Variants in PAIP1 observed in about 807,000 individuals in gnomAD.
The protein encoded by PAIP1 is poly(A) binding protein interacting protein 1.
In PAIP1, 16 loss-of-function variants were observed where a neutral mutation model predicts 61.3. The observed-to-expected ratio is 0.26, with a 90% CI of 0.18 to 0.40. PAIP1 has a LOEUF of 0.40. Among genes scored for constraint, PAIP1 ranks in the 10% least tolerant of loss-of-function variants. The pLI is 1.00. For synonymous variants in PAIP1, 187 were observed against 226.2 expected (o/e 0.83, Z 1.56); for missense variants, 416 against 600.9 (o/e 0.69, Z 3.22).
intron 8 of PAIP1, among the ~76,000 whole-genome samples, chr5:43,534,345 A>T (rs1246206840): frequency 1.3e-5 from 2 of 152,068 alleles, no homozygotes; most frequent in Non-Finnish European, 2.9e-5. Context: ...GATTACAGGC[A>T]AGTACTGCCA....
chr5:43,528,802 G>T (rs1351998381), intron 10 of PAIP1, among the ~76,000 whole-genome samples: 5 of 151,818 alleles, frequency 3.3e-5, no homozygotes, highest in African/African-American at 1.2e-4. Flanking sequence ...AGGAAGAAAA[G>T]AAACTAAGTA....
At position 43,533,747 on chromosome 5, in the gene PAIP1, C is replaced by G; in HGVS notation, c.1243G>C (p.Ala415Pro). ...CTGTGAGACAACATACCTGGATCAG[C>G]TGCAGTGAAAGGAACACCATCAGAT... is the stretch of plus-strand genomic sequence containing the variant. ...YTSDGVPFTAADPDYQEKYQE... is the reference protein window; with the variant it reads ...YTSDGVPFTAPDPDYQEKYQE... The change falls in exon 9 of 11, where the codon GCT (alanine) becomes CCT (proline). Residue 415 changes from alanine to proline, a missense_variant. Coordinates refer to ENST00000306846, the MANE Select transcript of PAIP1 (RefSeq NM_006451.5). 6.3e-7 allele frequency: 1 copy of G among 1,589,412 alleles called. No individual in the cohort carries two copies. Among genetic ancestry groups the G allele is most frequent in the Middle Eastern group, 1.7e-4 (1 of 6,012 alleles).
At position 43,526,950 on chromosome 5, in the gene PAIP1, CTAAA is replaced by C. The variant is rs1746733935; in HGVS notation, c.*422_*425del. Reference sequence around the variant, plus strand: ...ATTTGAAATTCAATTCATTGGGACACTAAATGTCAAACTAAAATGAAAGCTATAA... The same window carrying C: ...ATTTGAAATTCAATTCATTGGGACACTGTCAAACTAAAATGAAAGCTATAA... On this transcript the variant is annotated 3_prime_UTR_variant, in exon 11 of 11. Transcript: ENST00000306846. 1 of 151,782 alleles carries C rather than the reference CTAAA, an allele frequency of 6.6e-6. No homozygotes were observed. Among genetic ancestry groups the C allele is most frequent in the Non-Finnish European group, 1.5e-5 (1 of 67,816 alleles). The allele number at this position is 151,782 out of a possible 1,614,324, so 9.4% of individuals were successfully genotyped here. A position where few individuals can be genotyped will look rare whatever the true frequency, so the allele number is the denominator to read the frequency against.
intron 7 of PAIP1, 98 bp from the exon 8 acceptor site, chr5:43,535,068 C>T: frequency 1.4e-6 from 1 of 708,080 alleles, no homozygotes; most frequent in Non-Finnish European, 2.5e-6. Context: ...CTTAATTTAA[C>T]AGGTACATCT....
At chr5:43,555,654 A>C (rs13165009) in intron 2 of PAIP1, among the ~76,000 whole-genome samples, 176 bp downstream of exon 2, 1 of 152,262 alleles carries the variant, frequency 6.6e-6, no homozygotes, top group African/African-American at 2.4e-5. Flanking sequence ...TATAACTACA[A>C]AATGTATTTC....
Position 43,556,769 on chromosome 5 carries a change from A to G in PAIP1, c.78T>C (p.Pro26=). The stretch of plus-strand genomic sequence containing the variant: ...CTCCGTTCGGGAAACCGCCGCCCTC[A>G]GGCCCGCCCCCTCCGCGGCCCAGGC... ...SRGLGRGGGG[P]EGGGFPNGAG... The change falls in exon 1 of 11, where the codon CCT becomes CCC. Residue 26 remains proline (P), a synonymous_variant. Transcript: ENST00000306846. 2 of 1,425,214 alleles carry G rather than the reference A, an allele frequency of 1.4e-6. No homozygotes were observed. The highest frequency in any genetic ancestry group is 1.8e-6 in the Non-Finnish European group (2 of 1,093,154). 88.3% of individuals were successfully genotyped at this position (1,425,214 alleles called of 1,614,324 possible).
chr5:43,556,849 TCCTCCTCCTCCG>T lies in PAIP1; in HGVS notation c.-15_-4del, dbSNP rs1222198217. Reference sequence around the variant, plus strand: ...GCCCGATCGAAACCGTCCGACATGCTCCTCCTCCTCCGCCTCCTCCTCCAGGGGCCGCTGCCG... The same window carrying T: ...GCCCGATCGAAACCGTCCGACATGCTCCTCCTCCTCCAGGGGCCGCTGCCG... On this transcript the variant is annotated 5_prime_UTR_variant, in exon 1 of 11. Coordinates refer to ENST00000306846, the MANE Select transcript of PAIP1 (RefSeq NM_006451.5). 5.7e-5 allele frequency: 81 copies of T among 1,422,596 alleles called. No individual in the cohort carries two copies. The highest frequency in any genetic ancestry group is 1.4e-4 in the African/African-American group (9 of 66,430). 88.1% of individuals were successfully genotyped at this position (1,422,596 alleles called of 1,614,324 possible). A position where few individuals can be genotyped will look rare whatever the true frequency, so the allele number is the denominator to read the frequency against.
rs1268086926 is a variant in PAIP1, at chr5:43,556,793, G to A, written c.54C>T (p.Gly18=). Residue 18 remains glycine, a synonymous_variant, in exon 1 of 11, where the codon GGC becomes GGT. Coordinates refer to ENST00000306846, the MANE Select transcript of PAIP1 (RefSeq NM_006451.5). ...CAGGCCCGCCCCCTCCGCGGCCCAG[G>A]CCCCGGCTCCGGCCCCGACCAGCAC... ...APGAGRGRSR[G]LGRGGGGPEG... is the part of the protein sequence containing the mutation. 3 of 1,452,440 alleles carry A rather than the reference G, an allele frequency of 2.1e-6. No individual in the cohort carries two copies. The highest frequency in any genetic ancestry group is 1.4e-5 in the South Asian group (1 of 73,938). The allele number at this position is 1,452,440 out of a possible 1,614,324, so 90.0% of individuals were successfully genotyped here.
rs1000521462 is a variant in PAIP1 at position 43,531,334 on chromosome 5, A to T, written c.1253-1455T>A. Among the ~76,000 whole-genome samples, 151 of 151,796 alleles carry T rather than the reference A, an allele frequency of 9.9e-4. 1 individual carries two copies. The highest frequency in any genetic ancestry group is 2.6e-3 in the African/African-American group (107 of 41,400). On this transcript the variant is annotated intron_variant, in intron 9 of 10. Transcript: ENST00000306846. ...TTTTCATTAAAAAAAAAATGAAAAA[A>T]GAAAAAAGAAAAAAGACAAAGCACT... is the stretch of plus-strand genomic sequence containing the variant.
At chr5:43,536,715 C>T (rs1169977746) in intron 6 of PAIP1, 104 bp downstream of exon 6, 4 of 527,362 alleles carry the variant, frequency 7.6e-6, no homozygotes, top group Non-Finnish European at 9.8e-6. Flanking sequence ...CAATATTTAC[C>T]TTAAAGTGAT....
At chr5:43,551,745 C>A (rs199713308) in intron 2 of PAIP1, among the ~76,000 whole-genome samples, 1 of 142,924 alleles carries the variant, frequency 7.0e-6, no homozygotes, top group East Asian at 2.0e-4. Flanking sequence ...GATTTGCAAT[C>A]TTTTTTTTTT....
intron 9 of PAIP1, among the ~76,000 whole-genome samples, chr5:43,530,864 G>C (rs1190921186): frequency 6.6e-6 from 1 of 152,064 alleles, no homozygotes; most frequent in Admixed American, 6.6e-5. Flanking sequence ...GGTAACTAAG[G>C]GGCTTGGATT....
intron 5 of PAIP1, 130 bp from the exon 6 acceptor site, chr5:43,537,074 A>G (rs1047344804): frequency 1.7e-5 from 9 of 543,908 alleles, no homozygotes; most frequent in Non-Finnish European, 2.6e-5. Context: ...ACACACTCTG[A>G]TATCTTCACA....
intron 9 of PAIP1, among the ~76,000 whole-genome samples, chr5:43,531,676 A>AG: frequency 1.4e-5 from 2 of 143,104 alleles, no homozygotes; most frequent in East Asian, 4.6e-4. Context: ...AAAAAAAAAA[A>AG]AGAGAAAAAA....
At chr5:43,543,984 A>G (rs751092585) in intron 3 of PAIP1, among the ~76,000 whole-genome samples, 1 of 151,886 alleles carries the variant, frequency 6.6e-6, no homozygotes, top group Non-Finnish European at 1.5e-5. Flanking sequence ...CTCTATAAAA[A>G]AATTTTAAAA....
intron 7 of PAIP1, 24 bp from the exon 8 acceptor site, chr5:43,534,994 T>A: frequency 7.8e-7 from 1 of 1,282,484 alleles, no homozygotes; most frequent in Non-Finnish European, 1.1e-6. Flanking sequence ...TGAAAATGAG[T>A]TAGTGTATCC....
chr5:43,539,162 CAATA>C (rs1401660641), intron 4 of PAIP1, 127 bp from the exon 5 acceptor site: 1 of 626,244 alleles, frequency 1.6e-6, no homozygotes. Context: ...GCTCTTTCTA[CAATA>C]AAGAAACTGT....
chr5:43,547,764 A>G lies in PAIP1; in HGVS notation c.585T>C (p.Asp195=), dbSNP rs569642935. 1 of 1,611,188 alleles carries G rather than the reference A, an allele frequency of 6.2e-7. No homozygotes were observed. Among genetic ancestry groups the G allele is most frequent in the Admixed American group, 1.7e-5 (1 of 59,614 alleles). ...TGAGTTCCACAAGTTCTTGCAAAGC[A>G]TCATCTGTTGTAACACAACCATTCA... ...ETLNGCVTTD[D]ALQELVELIY... The change falls in exon 3 of 11, where the codon GAT becomes GAC. Residue 195 remains aspartate (D), a synonymous_variant. Transcript: ENST00000306846.
intron 9 of PAIP1, among the ~76,000 whole-genome samples, chr5:43,531,250 TGGCAGAA>T (rs1746917103): frequency 6.6e-6 from 1 of 151,386 alleles, no homozygotes; most frequent in East Asian, 2.0e-4. Flanking sequence ...CTGTGGCTCC[TGGCAGAA>T]GGAAATATAA....
Sources: gnomAD v4.1 joint callset for allele counts (sites outside exome capture counted in the v4.1 genomes callset) on GRCh38, gnomAD v4.1.1 for gene constraint, MANE v1.5 for transcripts, NCBI Gene and HGNC (gene_info 2026-07-23, HGNC 2026-07-21) for gene names.